The following VAV2 variants were observed in gnomAD, a reference collection of about 807,000 sequenced individuals.
The protein encoded by VAV2 is vav guanine nucleotide exchange factor 2.
VAV2 carries 67 observed loss-of-function variants against 132.5 expected under a neutral mutation model. That is an observed-to-expected ratio of 0.51 (90% CI 0.42 to 0.62). The LOEUF (loss-of-function observed/expected upper bound fraction) is 0.62, where lower values mean the gene tolerates loss of function less well. Ranked by LOEUF, VAV2 falls within the 20% of genes least tolerant of loss-of-function variation. VAV2 has a pLI of 0.00. For synonymous variants in VAV2, 492 were observed against 443.5 expected, an observed-to-expected ratio of 1.11 and a Z score of -1.37; for missense variants, 938 against 1,153.6, an observed-to-expected ratio of 0.81 and a Z score of 2.71.
chr9:133,777,315 G>C (rs963719407), intron 23 of VAV2, 74 bp downstream of exon 23: 3 of 1,501,786 alleles, frequency 2.0e-6, no homozygotes, highest in Non-Finnish European at 2.8e-6. Context: ...AAATGTCCAC[G>C]TGAGGAGGCA....
intron 2 of VAV2, among the ~76,000 whole-genome samples, chr9:133,908,931 C>A (rs145211576): frequency 6.6e-6 from 1 of 152,246 alleles, no homozygotes; most frequent in Non-Finnish European, 1.5e-5. Flanking sequence ...CAGGCAGCTG[C>A]GCTCCCAGAA....
chr9:133,857,784 C>T lies in VAV2; in HGVS notation c.380+3590G>A, dbSNP rs930883031. 6.6e-6 allele frequency among the ~76,000 whole-genome samples: 1 copy of T among 152,090 alleles called. No individual in the cohort carries two copies. The highest frequency in any genetic ancestry group is 2.4e-5 in the African/African-American group (1 of 41,410). On this transcript the variant is annotated intron_variant, in intron 3 of 29. Transcript: ENST00000371850. The surrounding 1 kb of genome is among the most constrained non-coding windows in gnomAD (Gnocchi z 4.0). ...CCTGTCTCCTGAGCTCCCGGGTGAG[C>T]GTGTGAACCAGTGGAGGTCTGCGCT...
At chr9:133,779,671 GCTC>G (rs1833937239) in intron 21 of VAV2, among the ~76,000 whole-genome samples, 1 of 152,122 alleles carries the variant, frequency 6.6e-6, no homozygotes, top group Non-Finnish European at 1.5e-5. Context: ...GAAGGCCCTT[GCTC>G]CTCTGCAGGC....
chr9:133,768,387 C>A lies in VAV2; in HGVS notation c.2589+55G>T. On this transcript the variant is annotated intron_variant, in intron 29 of 29. Transcript: ENST00000371850. The surrounding 1 kb of genome is among the most constrained non-coding windows in gnomAD (Gnocchi z 5.3). ...GTGGTGCTAGTCTGCCTGAGCCCGACCAGGTAGGGGCTGCAGCGAGGCCAG... is the reference window on the plus strand; with the variant it reads ...GTGGTGCTAGTCTGCCTGAGCCCGAACAGGTAGGGGCTGCAGCGAGGCCAG... The A allele has an allele frequency of 6.3e-7, 1 of 1,586,616 alleles. No individual in the cohort carries two copies.
At chr9:133,927,444 G>A (rs553741880) in intron 2 of VAV2, among the ~76,000 whole-genome samples, 4 of 152,334 alleles carry the variant, frequency 2.6e-5, no homozygotes, top group Middle Eastern at 3.4e-3. Context: ...TCAGCCCAGA[G>A]GCTCTTGTCC....
At chr9:133,936,840 G>C (rs181997942) in intron 2 of VAV2, among the ~76,000 whole-genome samples, 35 of 152,286 alleles carry the variant, frequency 2.3e-4, no homozygotes, top group Admixed American at 2.3e-3. Flanking sequence ...ACCACTGACC[G>C]CCACGGTGAG....
chr9:133,888,965 G>A (rs1348133813), intron 2 of VAV2, among the ~76,000 whole-genome samples: 1 of 152,182 alleles, frequency 6.6e-6, no homozygotes, highest in Non-Finnish European at 1.5e-5. Flanking sequence ...GAACAGCATG[G>A]AAATGAAGCG....
intron 1 of VAV2, among the ~76,000 whole-genome samples, chr9:133,987,853 T>TA (rs942025946): frequency 6.6e-6 from 1 of 152,022 alleles, no homozygotes; most frequent in Admixed American, 6.5e-5. Flanking sequence ...GCACTTCAGA[T>TA]AAAAAACAAA....
In VAV2 at chr9:133,879,227, A is replaced by T. The variant is rs1838390289; in HGVS notation, c.322-17795T>A. On this transcript the variant is annotated intron_variant, in intron 2 of 29. Coordinates refer to ENST00000371850, the MANE Select transcript of VAV2 (RefSeq NM_001134398.2). This position sits in a 1 kb window ranked among gnomAD's most constrained non-coding sequence, Gnocchi z 4.4. The stretch of plus-strand genomic sequence containing the variant: ...GCCCTCTGGGGGCTCTTGCTTCCTC[A>T]CTCAGGTGTGCAATACACTTTGAGC... 6.6e-6 allele frequency among the ~76,000 whole-genome samples: 1 copy of T among 151,844 alleles called. No individual in the cohort carries two copies. The highest frequency in any genetic ancestry group is 6.6e-5 in the Admixed American group (1 of 15,246).
intron 2 of VAV2, among the ~76,000 whole-genome samples, chr9:133,924,057 G>GTGTA (rs1474989969): frequency 1.3e-5 from 2 of 152,110 alleles, no homozygotes; most frequent in African/African-American, 4.8e-5. Context: ...GAGTTGATGG[G>GTGTA]TGTAGCAAAC....
intron 4 of VAV2, among the ~76,000 whole-genome samples, chr9:133,821,680 T>TG (rs1417431397): frequency 1.3e-5 from 2 of 152,292 alleles, no homozygotes; most frequent in East Asian, 3.9e-4. Context: ...AAAAGTTGGA[T>TG]GGGGGTTGGT....
At chr9:133,930,439 T>TGCCCTCCGGCATCCTCAC (rs1564474215) in intron 2 of VAV2, among the ~76,000 whole-genome samples, 2 of 150,938 alleles carry the variant, frequency 1.3e-5, no homozygotes, top group African/African-American at 4.9e-5. Context: ...GGCATCCTCA[T>TGCCCTCCGGCATCCTCAC]TGCCTCTTGG....
chr9:133,975,884 T>G (rs1422315703), intron 1 of VAV2, among the ~76,000 whole-genome samples: 1 of 152,194 alleles, frequency 6.6e-6, no homozygotes, highest in East Asian at 1.9e-4. Context: ...ACACTTCTTC[T>G]CTTGTCAGGG....
At chr9:133,838,856 T>TG (rs1476218321) in intron 3 of VAV2, among the ~76,000 whole-genome samples, 15 of 50,306 alleles carry the variant, frequency 3.0e-4, no homozygotes, top group Non-Finnish European at 5.5e-4. Flanking sequence ...GATGAATGGG[T>TG]GGGTGGGTGG....
intron 21 of VAV2, 113 bp from the exon 22 acceptor site, chr9:133,779,002 G>T: frequency 7.3e-7 from 1 of 1,373,390 alleles, no homozygotes; most frequent in Non-Finnish European, 9.9e-7. Context: ...AGCACACACA[G>T]CCTTGCGCCT....
rs1472498980 is a variant in VAV2 at position 133,861,447 on chromosome 9, A to C, written c.322-15T>G. The C allele has an allele frequency of 6.2e-6, 10 of 1,612,204 alleles. No homozygotes were observed. The highest frequency in any genetic ancestry group is 8.5e-6 in the Non-Finnish European group (10 of 1,179,484). ...GCGGAGATGACCTGGGGGAGACAAG[A>C]AGAGACGCTCCTGTAATTTCACAAG... On this transcript the variant is annotated splice_polypyrimidine_tract_variant and intron_variant, in intron 2 of 29. Coordinates refer to ENST00000371850, the MANE Select transcript of VAV2 (RefSeq NM_001134398.2).
In VAV2 at chr9:133,784,374, A is replaced by C; in HGVS notation, c.1577T>G (p.Phe526Cys). 6 of 1,614,154 alleles carry C rather than the reference A, an allele frequency of 3.7e-6. No homozygotes were observed. The highest frequency in any genetic ancestry group is 5.1e-6 in the Non-Finnish European group (6 of 1,180,028). ...GGTCTTGTCAAACGTGTACATCTGGAAACTGTGGTGGTTGGCATTGGCTTT... is the reference window on the plus strand; with the variant it reads ...GGTCTTGTCAAACGTGTACATCTGGCAACTGTGGTGGTTGGCATTGGCTTT... ...PDKANANHHS[F>C]QMYTFDKTTN... Residue 526 changes from phenylalanine to cysteine, a missense_variant, in exon 18 of 30, where the codon TTC becomes TGC. Physicochemically the swap from Phe to Cys is radical, Grantham distance 205. Transcript: ENST00000371850.
At chr9:133,910,907 G>A (rs1185354877) in intron 2 of VAV2, among the ~76,000 whole-genome samples, 2 of 151,832 alleles carry the variant, frequency 1.3e-5, no homozygotes, top group South Asian at 2.1e-4. Context: ...AGGCGGGCAC[G>A]GGAGTCTAAC....
chr9:133,889,464 C>A (rs1477854070), intron 2 of VAV2, among the ~76,000 whole-genome samples: 2 of 152,066 alleles, frequency 1.3e-5, no homozygotes, highest in African/African-American at 4.8e-5. Context: ...CCCTTCTCTC[C>A]CCAAGGCCAC....
Sources: gnomAD v4.1 joint callset for allele counts (sites outside exome capture counted in the v4.1 genomes callset) on GRCh38, gnomAD v4.1.1 for gene constraint, Gnocchi (gnomAD v3.1) non-coding constraint, MANE v1.5 for transcripts, NCBI Gene and HGNC (gene_info 2026-07-23, HGNC 2026-07-21) for gene names.